The following EMP1 variants were observed in gnomAD, a reference collection of about 807,000 sequenced individuals.
EMP1 encodes tumor-associated membrane protein.
In EMP1, 5 loss-of-function variants were observed where a neutral mutation model predicts 15.7. The observed-to-expected ratio is 0.32, with a 90% CI of 0.17 to 0.67. EMP1 has a LOEUF of 0.67. Among genes scored for constraint, EMP1 ranks in the 30% least tolerant of loss-of-function variants. The pLI, the probability that EMP1 is intolerant of heterozygous loss-of-function variation, is 0.74. For missense variants in EMP1, 166 were observed against 194.2 expected, an observed-to-expected ratio of 0.85 and a Z score of 0.86; for synonymous variants, 78 against 76.7, an observed-to-expected ratio of 1.02 and a Z score of -0.09.
At chr12:13,199,510 C>T (rs570402135) in intron 1 of EMP1, 3 of 152,242 alleles carry the variant, frequency 2.0e-5, no homozygotes, top group Non-Finnish European at 2.9e-5. Flanking sequence ...ATAACTGAAA[C>T]GTGGACACAG....
intron 1 of EMP1, among the ~76,000 whole-genome samples, chr12:13,202,769 T>C (rs1864077302): frequency 6.6e-6 from 1 of 151,938 alleles, no homozygotes; most frequent in South Asian, 2.1e-4. Context: ...TGGCACAGTT[T>C]TAAGGGGTAT....
At chr12:13,209,941 A>T (rs905087333) in intron 1 of EMP1, among the ~76,000 whole-genome samples, 11 of 152,222 alleles carry the variant, frequency 7.2e-5, no homozygotes, top group African/African-American at 2.4e-5. Context: ...CACATTCCTA[A>T]AAAACAGCCT....
chr12:13,199,843 G>C (rs997223870), intron 1 of EMP1, among the ~76,000 whole-genome samples: 2 of 151,950 alleles, frequency 1.3e-5, no homozygotes, highest in Non-Finnish European at 2.9e-5. Context: ...ATCTATTCTG[G>C]TTTTGTTGTT....
At chr12:13,204,952 T>C (rs1864098576) in intron 1 of EMP1, among the ~76,000 whole-genome samples, 1 of 152,190 alleles carries the variant, frequency 6.6e-6, no homozygotes. Flanking sequence ...ACAACCATGC[T>C]AGAAAGAGGA....
chr12:13,212,994 C>T (rs1296746438), intron 2 of EMP1, among the ~76,000 whole-genome samples: 1 of 152,198 alleles, frequency 6.6e-6, no homozygotes, highest in Non-Finnish European at 1.5e-5. Flanking sequence ...GGCTTATTAA[C>T]CACTAGATTC....
At chr12:13,197,448 T>G (rs1014359336) in intron 1 of EMP1, among the ~76,000 whole-genome samples, 1 of 152,146 alleles carries the variant, frequency 6.6e-6, no homozygotes, top group Non-Finnish European at 1.5e-5. Flanking sequence ...TTTTTTCTCC[T>G]CACAGGATGG....
intron 1 of EMP1, among the ~76,000 whole-genome samples, chr12:13,200,229 TCAATC>T (rs1864052584): frequency 6.6e-6 from 1 of 152,170 alleles, no homozygotes; most frequent in Non-Finnish European, 1.5e-5. Context: ...CATGGTTAGA[TCAATC>T]CAATACCAGG....
In EMP1 at chr12:13,217,735, T is replaced by G. The variant is rs992033405; in HGVS notation, c.*3044T>G. On this transcript the variant is annotated 3_prime_UTR_variant, in exon 5 of 5. Transcript: ENST00000256951. The stretch of plus-strand genomic sequence containing the variant: ...ATTGGTATCTTTCTCCTCAAAAGCC[T>G]GGATGGTGAATGGGGGTGCATTAGT... The G allele has an allele frequency of 1.3e-5, 2 of 152,154 alleles. No homozygotes were observed. The highest frequency in any genetic ancestry group is 4.1e-4 in the South Asian group (2 of 4,830). The allele number at this position is 152,154 out of a possible 1,614,324, so 9.4% of individuals were successfully genotyped here.
chr12:13,211,472 T>C lies in EMP1; in HGVS notation c.-39T>C, dbSNP rs773084460. On this transcript the variant is annotated 5_prime_UTR_variant, in exon 2 of 5. Transcript: ENST00000256951. The surrounding 1 kb of genome is among the most constrained non-coding windows in gnomAD (Gnocchi z 4.7). ...GTCCCTTTCTTTTTCTTTTCAGAAC[T>C]CTCTTTGCTCACAAGTTACCAAAAA... The C allele has an allele frequency of 4.4e-6, 7 of 1,603,354 alleles. No individual in the cohort carries two copies. Among genetic ancestry groups the C allele is most frequent in the East Asian group, 2.2e-5 (1 of 44,846 alleles).
Position 13,203,184 on chromosome 12 carries a change from G to C in EMP1, c.-43+6312G>C, listed in dbSNP as rs1308117353. Among the ~76,000 whole-genome samples the C allele has an allele frequency of 2.0e-5, 3 of 152,214 alleles. No homozygotes were observed. In the East Asian group the frequency reaches 5.8e-4, roughly 29 times the overall value. On this transcript the variant is annotated intron_variant, in intron 1 of 4. Coordinates refer to ENST00000256951, the MANE Select transcript of EMP1 (RefSeq NM_001423.3). ...GCCATCTACTGTTGGTCCCACCCAA[G>C]CGCCGCTGGGGCCGGGCCACACCTA...
chr12:13,214,773 G>A lies in EMP1; in HGVS notation c.*82G>A. On this transcript the variant is annotated 3_prime_UTR_variant, in exon 5 of 5. Transcript: ENST00000256951. ...GGAGGGAAGTGGAGGTTGCTGTACA[G>A]GAAAAACCGAGATAGGGGAGGGGGG... 1 of 507,698 alleles carries A rather than the reference G, an allele frequency of 2.0e-6. No individual in the cohort carries two copies. Among genetic ancestry groups the A allele is most frequent in the Non-Finnish European group, 2.6e-6 (1 of 381,604 alleles). The allele number at this position is 507,698 out of a possible 1,614,324, so 31.4% of individuals were successfully genotyped here. A position where few individuals can be genotyped will look rare whatever the true frequency, so the allele number is the denominator to read the frequency against.
At chr12:13,203,354 G>C (rs1036949107) in intron 1 of EMP1, among the ~76,000 whole-genome samples, 1 of 152,232 alleles carries the variant, frequency 6.6e-6, no homozygotes, top group African/African-American at 2.4e-5. Context: ...CCCTTGACCA[G>C]CTGCAGTCTG....
chr12:13,212,212 GA>G (rs765673340), intron 2 of EMP1, among the ~76,000 whole-genome samples: 28 of 149,072 alleles, frequency 1.9e-4, no homozygotes, highest in African/African-American at 3.7e-4. Context: ...GACAAAACGA[GA>G]AAAAAAAAAT....
rs1247630425 is a variant in EMP1, at chr12:13,216,315, T to C, written c.*1624T>C. ...GGAGTTGTTATGCCATGATTTTTGG[T>C]ATTTATGTAAAAGGATTATTACTAA... On this transcript the variant is annotated 3_prime_UTR_variant, in exon 5 of 5. Transcript: ENST00000256951. The C allele has an allele frequency of 7.2e-6, 5 of 692,366 alleles. No individual in the cohort carries two copies. Among genetic ancestry groups the C allele is most frequent in the Non-Finnish European group, 1.3e-5 (5 of 380,486 alleles). 42.9% of individuals were successfully genotyped at this position (692,366 alleles called of 1,614,324 possible).
Position 13,213,492 on chromosome 12 carries a change from C to T in EMP1, c.92C>T (p.Ser31Phe). 1.2e-6 allele frequency: 2 copies of T among 1,614,172 alleles called. No individual in the cohort carries two copies. The highest frequency in any genetic ancestry group is 1.7e-6 in the Non-Finnish European group (2 of 1,180,022). ...VSTIANVWLV[S>F]NTVDASVGLW... ...TTCTGGTTTCAGGTCTGGTTGGTTT[C>T]CAATACGGTAGATGCATCAGTAGGT... Residue 31 changes from serine (S) to phenylalanine (F), a missense_variant, in exon 3 of 5, where the codon TCC (serine) becomes TTC (phenylalanine). Coordinates refer to ENST00000256951, the MANE Select transcript of EMP1 (RefSeq NM_001423.3).
rs1864229589 is a variant in EMP1 at position 13,217,967 on chromosome 12, T to G, written c.*3276T>G. ...GCCAGAGTCCCTTTTATAGAGAAGC[T>G]TAAAAAATATTTGTTGAATTAAATG... On this transcript the variant is annotated 3_prime_UTR_variant, in exon 5 of 5. Transcript: ENST00000256951. 1 of 152,152 alleles carries G rather than the reference T, an allele frequency of 6.6e-6. No homozygotes were observed. The highest frequency in any genetic ancestry group is 2.4e-5 in the African/African-American group (1 of 41,430). The allele number at this position is 152,152 out of a possible 1,614,324, so 9.4% of individuals were successfully genotyped here. A position where few individuals can be genotyped will look rare whatever the true frequency, so the allele number is the denominator to read the frequency against.
chr12:13,202,580 G>T (rs1456925860), intron 1 of EMP1, among the ~76,000 whole-genome samples: 1 of 152,146 alleles, frequency 6.6e-6, no homozygotes, highest in African/African-American at 2.4e-5. Context: ...TTGAAAGATA[G>T]TCTCCATGTC....
chr12:13,206,869 C>G (rs1407508831), intron 1 of EMP1, among the ~76,000 whole-genome samples: 4 of 151,890 alleles, frequency 2.6e-5, no homozygotes, highest in Non-Finnish European at 4.4e-5. Flanking sequence ...GCTGCCTGAA[C>G]AAAGGCAACA....
chr12:13,208,478 A>C (rs940041296), intron 1 of EMP1, among the ~76,000 whole-genome samples: 1 of 152,196 alleles, frequency 6.6e-6, no homozygotes, highest in Non-Finnish European at 1.5e-5. Flanking sequence ...GAAACTCAAG[A>C]AGATAACTCA....
Sources: allele counts gnomAD v4.1 joint callset (sites outside exome capture counted in the v4.1 genomes callset), GRCh38; gene constraint gnomAD v4.1.1; non-coding constraint Gnocchi (gnomAD v3.1); transcripts MANE v1.5; gene names NCBI Gene and HGNC (gene_info 2026-07-23, HGNC 2026-07-21).